The following KCNH5 variants were observed in gnomAD, a reference collection of about 807,000 sequenced individuals.
The protein encoded by KCNH5 is potassium voltage-gated channel subfamily H member 5.
Under a neutral mutation model 96.1 loss-of-function variants are expected in KCNH5, and 46 were observed. The observed-to-expected ratio is 0.48, with a 90% CI of 0.38 to 0.61. KCNH5 has a LOEUF of 0.61. Ranked by LOEUF, KCNH5 falls within the 20% of genes least tolerant of loss-of-function variation. KCNH5 has a pLI of 0.00. For synonymous variants in KCNH5, 439 were observed against 449.8 expected, an observed-to-expected ratio of 0.98 and a Z score of 0.30; for missense variants, 907 against 1,225.8, an observed-to-expected ratio of 0.74 and a Z score of 3.88.
intron 8 of KCNH5, among the ~76,000 whole-genome samples, chr14:62,837,894 C>G (rs1887495982): frequency 1.3e-5 from 2 of 152,126 alleles, no homozygotes; most frequent in Non-Finnish European, 1.5e-5. Context: ...TGTTATTAGA[C>G]AAGAGGGATC....
chr14:62,867,701 G>C (rs1888161851), intron 7 of KCNH5, among the ~76,000 whole-genome samples: 1 of 152,000 alleles, frequency 6.6e-6, no homozygotes, highest in Non-Finnish European at 1.5e-5. Flanking sequence ...AAAACCAAAG[G>C]CTGCACAATC....
intron 7 of KCNH5, among the ~76,000 whole-genome samples, chr14:62,896,985 C>T (rs934007188): frequency 6.6e-6 from 1 of 152,190 alleles, no homozygotes; most frequent in Admixed American, 6.5e-5. Flanking sequence ...GCCTGCCTCT[C>T]TTTAAAACAA....
At chr14:62,867,850 G>T (rs1253309762) in intron 7 of KCNH5, among the ~76,000 whole-genome samples, 1 of 152,050 alleles carries the variant, frequency 6.6e-6, no homozygotes, top group Non-Finnish European at 1.5e-5. Flanking sequence ...TGCTTACATG[G>T]TTCCCACCTT....
At position 62,965,127 on chromosome 14, in the gene KCNH5, T is replaced by C. The variant is rs576369935; in HGVS notation, c.943-14568A>G. On this transcript the variant is annotated intron_variant, in intron 6 of 10. Transcript: ENST00000322893. ...TGCATAAAATCAAGTAAGGGATTTG[T>C]TTTTTTCATTTAAAGGATGACATTC... 1.5e-4 allele frequency among the ~76,000 whole-genome samples: 23 copies of C among 152,192 alleles called. 1 individual carries two copies. Among genetic ancestry groups the C allele is most frequent in the South Asian group, 1.0e-3 (5 of 4,824 alleles).
At chr14:62,822,538 C>T (rs1174531440) in intron 8 of KCNH5, among the ~76,000 whole-genome samples, 1 of 152,076 alleles carries the variant, frequency 6.6e-6, no homozygotes, top group African/African-American at 2.4e-5. Context: ...TTTCAACCAA[C>T]TGTGCTGGAG....
chr14:62,915,787 T>A (rs886871129), intron 7 of KCNH5, among the ~76,000 whole-genome samples: 3 of 152,200 alleles, frequency 2.0e-5, no homozygotes, highest in Non-Finnish European at 4.4e-5. Flanking sequence ...ATCAAAGTAT[T>A]GCACGTACAT....
chr14:62,999,280 T>A (rs1246510486), intron 4 of KCNH5, among the ~76,000 whole-genome samples: 1 of 152,258 alleles, frequency 6.6e-6, no homozygotes, highest in African/African-American at 2.4e-5. Context: ...ATTTCTCTGA[T>A]GGCCAATGAT....
chr14:62,950,586 AC>A, intron 6 of KCNH5, 27 bp from the exon 7 acceptor site: 1 of 1,475,308 alleles, frequency 6.8e-7, no homozygotes, highest in Non-Finnish European at 9.0e-7. Context: ...AAAAAAAATT[AC>A]ACCACATTTT....
chr14:62,741,304 G>A (rs913778286), intron 10 of KCNH5, among the ~76,000 whole-genome samples: 3 of 152,112 alleles, frequency 2.0e-5, no homozygotes, highest in African/African-American at 7.2e-5. Flanking sequence ...TCAATAGGCT[G>A]GTTTAGACTG....
chr14:62,876,118 G>C (rs888517724), intron 7 of KCNH5, among the ~76,000 whole-genome samples: 6 of 152,182 alleles, frequency 3.9e-5, no homozygotes, highest in African/African-American at 1.4e-4. Flanking sequence ...AGTGAGTCGA[G>C]ATGGTGCCAC....
At chr14:62,731,065 C>G (rs1885038177) in intron 10 of KCNH5, among the ~76,000 whole-genome samples, 1 of 152,120 alleles carries the variant, frequency 6.6e-6, no homozygotes, top group Admixed American at 6.6e-5. Context: ...CTTTGGGAGG[C>G]TGAGGCAGGA....
intron 7 of KCNH5, among the ~76,000 whole-genome samples, chr14:62,896,666 T>G (rs576390406): frequency 6.6e-6 from 1 of 152,184 alleles, no homozygotes; most frequent in Admixed American, 6.5e-5. Context: ...GTGAATTGCT[T>G]TTTTTTCTTT....
intron 7 of KCNH5, among the ~76,000 whole-genome samples, chr14:62,932,444 A>G (rs1219908629): frequency 6.6e-6 from 1 of 151,590 alleles, no homozygotes; most frequent in Admixed American, 6.6e-5. Context: ...AGTAAAAAAG[A>G]TAAAATCATA....
chr14:62,788,258 G>A (rs189568552), intron 9 of KCNH5, among the ~76,000 whole-genome samples: 115 of 152,278 alleles, frequency 7.6e-4, no homozygotes, highest in Middle Eastern at 3.4e-3. Context: ...CTTCAGTGGA[G>A]GAAGTAACTG....
intron 8 of KCNH5, among the ~76,000 whole-genome samples, chr14:62,824,271 G>A (rs113792286): frequency 3.7e-4 from 57 of 152,092 alleles, no homozygotes; most frequent in African/African-American, 1.3e-3. Flanking sequence ...ACAGAGACAT[G>A]AGCAAGAGTC....
intron 10 of KCNH5, among the ~76,000 whole-genome samples, chr14:62,714,016 T>C (rs1353802321): frequency 6.6e-6 from 1 of 152,154 alleles, no homozygotes. Context: ...GGCATGGTGG[T>C]TCATGCCTGT....
chr14:63,023,792 G>C (rs139118145), intron 1 of KCNH5, among the ~76,000 whole-genome samples: 154 of 151,892 alleles, frequency 1.0e-3, no homozygotes, highest in African/African-American at 3.6e-3. Context: ...TGACCACAAA[G>C]TTATAAAGCT....
chr14:62,921,185 C>T (rs1889374797), intron 7 of KCNH5, among the ~76,000 whole-genome samples: 1 of 152,064 alleles, frequency 6.6e-6, no homozygotes, highest in Non-Finnish European at 1.5e-5. Context: ...AAATGTGGTT[C>T]AGCATGTTCC....
In KCNH5 at chr14:62,702,403, T is replaced by C. The variant is rs1357722976; in HGVS notation, c.*5105A>G. The C allele has an allele frequency of 6.6e-6, 1 of 152,042 alleles. No homozygotes were observed. Among genetic ancestry groups the C allele is most frequent in the Non-Finnish European group, 1.5e-5 (1 of 67,908 alleles). 9.4% of individuals were successfully genotyped at this position (152,042 alleles called of 1,614,324 possible). A position where few individuals can be genotyped will look rare whatever the true frequency, so the allele number is the denominator to read the frequency against. On this transcript the variant is annotated 3_prime_UTR_variant, in exon 11 of 11. Transcript: ENST00000322893. ...TGTGTCTGGAAAAACCTAGACTAGATGGTTGAACTAGATAGTTCTTGTAAT... is the reference window on the plus strand; with the variant it reads ...TGTGTCTGGAAAAACCTAGACTAGACGGTTGAACTAGATAGTTCTTGTAAT...
Sources: gnomAD v4.1 joint callset for allele counts (sites outside exome capture counted in the v4.1 genomes callset) on GRCh38, gnomAD v4.1.1 for gene constraint, MANE v1.5 for transcripts, NCBI Gene and HGNC (gene_info 2026-07-23, HGNC 2026-07-21) for gene names.